DCDC2C: variants seen among roughly 807,000 people sequenced by gnomAD.
DCDC2C encodes the protein doublecortin domain containing 2C, also known as doublecortin domain-containing protein 2C.
In DCDC2C, 44 loss-of-function variants were observed where a neutral mutation model predicts 45.0. The observed-to-expected ratio is 0.98, with a 90% confidence interval of 0.77 to 1.26. The LOEUF is 1.26. DCDC2C is among the 50% of genes most tolerant of loss of function. DCDC2C has a pLI of 0.00. For synonymous variants in DCDC2C, 187 were observed against 178.8 expected (o/e 1.05, Z -0.37); for missense variants, 447 against 468.9 (o/e 0.95, Z 0.43).
chr2:3,788,788 T>TC (rs1670723054), intron 10 of DCDC2C, among the ~76,000 whole-genome samples: 16 of 94,390 alleles, frequency 1.7e-4, no homozygotes, highest in African/African-American at 5.4e-4. Context: ...TTCCCTTTCT[T>TC]CCTCCCTTCC....
chr2:3,841,396 T>G (rs1672210723), intron 10 of DCDC2C, among the ~76,000 whole-genome samples: 1 of 149,944 alleles, frequency 6.7e-6, no homozygotes, highest in Non-Finnish European at 1.5e-5. Context: ...TATATTAATA[T>G]TTTATATTAT....
At chr2:3,736,027 A>T (rs906820347) in intron 3 of DCDC2C, among the ~76,000 whole-genome samples, 2 of 152,164 alleles carry the variant, frequency 1.3e-5, no homozygotes, top group Non-Finnish European at 2.9e-5. Flanking sequence ...TCCCAAATAC[A>T]TCTAATATCC....
chr2:3,719,780 G>A (rs562096316), intron 2 of DCDC2C, among the ~76,000 whole-genome samples: 11 of 152,326 alleles, frequency 7.2e-5, no homozygotes, highest in Non-Finnish European at 1.3e-4. Context: ...TAAGTTTATT[G>A]AATGAAGAAA....
chr2:3,734,411 A>C lies in DCDC2C; in HGVS notation c.416+7332A>C, dbSNP rs1668962236. On this transcript the variant is annotated intron_variant, in intron 3 of 10. Coordinates refer to ENST00000399143, the MANE Select transcript of DCDC2C (RefSeq NM_001287444.2). The surrounding 1 kb of genome is among the most constrained non-coding windows in gnomAD (Gnocchi z 4.2). ...TGATGAATCTAATCTAGGATGAGAC[A>C]ATCATCTGATGTTGGTGACACGGGT... Among the ~76,000 whole-genome samples the C allele has an allele frequency of 6.6e-6, 1 of 152,232 alleles. No homozygotes were observed. Among genetic ancestry groups the C allele is most frequent in the African/African-American group, 2.4e-5 (1 of 41,464 alleles).
At chr2:3,802,639 G>C (rs1359981467) in intron 10 of DCDC2C, among the ~76,000 whole-genome samples, 6 of 152,186 alleles carry the variant, frequency 3.9e-5, no homozygotes, top group Non-Finnish European at 7.4e-5. Flanking sequence ...TCCTCATGTG[G>C]TGGAAGGGGC....
chr2:3,793,932 A>G (rs1670889064), intron 10 of DCDC2C, among the ~76,000 whole-genome samples: 1 of 152,236 alleles, frequency 6.6e-6, no homozygotes. Context: ...ATAAATATGT[A>G]CTTGAAAAAG....
At chr2:3,710,595 C>T (rs1341520781) in intron 2 of DCDC2C, among the ~76,000 whole-genome samples, 1 of 152,090 alleles carries the variant, frequency 6.6e-6, no homozygotes, top group Non-Finnish European at 1.5e-5. Flanking sequence ...GCATAGTATC[C>T]AATAGTTAGT....
At chr2:3,731,834 T>C (rs1175122408) in intron 3 of DCDC2C, among the ~76,000 whole-genome samples, 1 of 152,204 alleles carries the variant, frequency 6.6e-6, no homozygotes, top group African/African-American at 2.4e-5. Flanking sequence ...CATGTCATAG[T>C]CCCAGTCTTG....
chr2:3,735,868 C>A (rs1669009289), intron 3 of DCDC2C, among the ~76,000 whole-genome samples: 2 of 151,296 alleles, frequency 1.3e-5, no homozygotes, highest in Non-Finnish European at 2.9e-5. Context: ...ATGTTTTTTC[C>A]ATTTGGCTTT....
chr2:3,804,246 G>A (rs1467888556), intron 10 of DCDC2C, among the ~76,000 whole-genome samples: 2 of 152,156 alleles, frequency 1.3e-5, no homozygotes, highest in South Asian at 2.1e-4. Context: ...TTAAAACCAG[G>A]ATCTGGATCT....
intron 3 of DCDC2C, among the ~76,000 whole-genome samples, chr2:3,735,005 C>T (rs183933621): frequency 3.3e-5 from 5 of 152,236 alleles, no homozygotes; most frequent in African/African-American, 1.2e-4. Context: ...CACAAGACCC[C>T]CACTTTCTCG....
chr2:3,834,481 A>G (rs1184540648), intron 10 of DCDC2C, among the ~76,000 whole-genome samples: 11 of 152,180 alleles, frequency 7.2e-5, no homozygotes, highest in Admixed American at 1.3e-4. Flanking sequence ...ATAAACGCTT[A>G]GCGGGAACTT....
chr2:3,807,010 T>C (rs10198219), intron 10 of DCDC2C, among the ~76,000 whole-genome samples: 35,137 of 152,076 alleles, frequency 0.23, 4,196 homozygotes, highest in South Asian at 0.36. Context: ...TAGGCTCTGC[T>C]TGCCCCAGCC....
chr2:3,742,157 A>G (rs892915305), intron 4 of DCDC2C, 109 bp downstream of exon 4: 1 of 1,253,516 alleles, frequency 8.0e-7, no homozygotes, highest in East Asian at 2.8e-5. Context: ...TTCACCATAA[A>G]CTCTTAATTT....
At chr2:3,832,388 G>A (rs958710764) in intron 10 of DCDC2C, among the ~76,000 whole-genome samples, 30 of 152,162 alleles carry the variant, frequency 2.0e-4, no homozygotes, top group Admixed American at 1.0e-3. Flanking sequence ...CAATCTACCC[G>A]TCTCCTTTGC....
chr2:3,753,338 A>T lies in DCDC2C; in HGVS notation c.683+438A>T, dbSNP rs144910921. 1.8e-3 allele frequency among the ~76,000 whole-genome samples: 278 copies of T among 152,316 alleles called. 1 individual carries two copies. The highest frequency in any genetic ancestry group is 6.4e-3 in the African/African-American group (267 of 41,568). On this transcript the variant is annotated intron_variant, in intron 5 of 10. Coordinates refer to ENST00000399143, the MANE Select transcript of DCDC2C (RefSeq NM_001287444.2). ...TGAAAAAAGCCATGATTTTTGTAGT[A>T]ATCTGGGCATGGCTATGCGGGTGCC...
At position 3,703,679 on chromosome 2, in the gene DCDC2C, G is replaced by C. The variant is rs1667936195; in HGVS notation, c.-73G>C. The C allele has an allele frequency of 1.2e-5, 15 of 1,208,758 alleles. No individual in the cohort carries two copies. The highest frequency in any genetic ancestry group is 4.3e-5 in the Admixed American group (1 of 23,088). 74.9% of individuals were successfully genotyped at this position (1,208,758 alleles called of 1,614,324 possible). On this transcript the variant is annotated 5_prime_UTR_variant, in exon 1 of 11. Coordinates refer to ENST00000399143, the MANE Select transcript of DCDC2C (RefSeq NM_001287444.2). The surrounding 1 kb of genome is among the most constrained non-coding windows in gnomAD (Gnocchi z 4.4). ...CCGTCGGCGGTGCCCGGGCCTGGGC[G>C]CGGCTCTGCAGGCGTCGCTGCCCGC...
intron 2 of DCDC2C, among the ~76,000 whole-genome samples, chr2:3,725,262 G>T (rs899215975): frequency 1.3e-5 from 2 of 152,198 alleles, no homozygotes; most frequent in Non-Finnish European, 2.9e-5. Flanking sequence ...CCTTGGAAGG[G>T]CAGTGTACAT....
intron 10 of DCDC2C, among the ~76,000 whole-genome samples, chr2:3,812,522 A>G (rs1365334876): frequency 6.6e-6 from 1 of 152,152 alleles, no homozygotes; most frequent in East Asian, 1.9e-4. Flanking sequence ...TTAAGTTTTC[A>G]AAAAACCGGC....
Sources: gnomAD v4.1 joint callset for allele counts (sites outside exome capture counted in the v4.1 genomes callset) on GRCh38, gnomAD v4.1.1 for gene constraint, Gnocchi (gnomAD v3.1) non-coding constraint, MANE v1.5 for transcripts, NCBI Gene and HGNC (gene_info 2026-07-23, HGNC 2026-07-21) for gene names.